PTPRK: variants seen among roughly 807,000 people sequenced by gnomAD.
PTPRK encodes the protein protein tyrosine phosphatase receptor type K.
A neutral mutation model predicts 178.0 loss-of-function variants in PTPRK; 75 were observed. The ratio of observed to expected loss-of-function variants is 0.42; its 90% CI spans 0.35 to 0.51. PTPRK has a LOEUF of 0.51. PTPRK is among the 20% of genes least tolerant of loss of function. PTPRK has a pLI of 0.02. For missense variants in PTPRK, 1,441 were observed against 1,797.8 expected (o/e 0.80, Z 3.59); for synonymous variants, 637 against 620.6 (o/e 1.03, Z -0.39).
intron 1 of PTPRK, among the ~76,000 whole-genome samples, chr6:128,413,047 C>A (rs914036397): frequency 6.6e-6 from 1 of 152,124 alleles, no homozygotes; most frequent in African/African-American, 2.4e-5. Flanking sequence ...ATATTTTTAA[C>A]CTAGTTTATT....
chr6:128,302,943 A>G (rs1458532245), intron 3 of PTPRK, among the ~76,000 whole-genome samples: 1 of 150,430 alleles, frequency 6.6e-6, no homozygotes, highest in Non-Finnish European at 1.5e-5. Flanking sequence ...CTCACAGTGT[A>G]CACATACACA....
intron 6 of PTPRK, among the ~76,000 whole-genome samples, chr6:128,196,124 A>T (rs1804813450): frequency 6.6e-6 from 1 of 152,128 alleles, no homozygotes; most frequent in Admixed American, 6.6e-5. Flanking sequence ...TTCAACTAAG[A>T]AAGGCAGGTT....
intron 1 of PTPRK, among the ~76,000 whole-genome samples, chr6:128,508,701 T>A (rs1261359945): frequency 6.6e-6 from 1 of 151,978 alleles, no homozygotes; most frequent in Non-Finnish European, 1.5e-5. Flanking sequence ...TCCCGCACTT[T>A]GGGAGGCTGA....
chr6:128,130,696 T>C (rs906605681), intron 7 of PTPRK, among the ~76,000 whole-genome samples: 8 of 152,208 alleles, frequency 5.3e-5, no homozygotes, highest in Non-Finnish European at 7.4e-5. Context: ...TGAAAATTCA[T>C]TTGGCAATTA....
intron 7 of PTPRK, among the ~76,000 whole-genome samples, chr6:128,099,718 TAG>T (rs1455383196): frequency 6.6e-6 from 1 of 152,108 alleles, no homozygotes; most frequent in East Asian, 1.9e-4. Context: ...CTTCAGGGAA[TAG>T]AGAGACAGAT....
At chr6:128,093,620 A>AC (rs1787401434) in intron 7 of PTPRK, among the ~76,000 whole-genome samples, 3 of 147,252 alleles carry the variant, frequency 2.0e-5, no homozygotes, top group African/African-American at 7.5e-5. Flanking sequence ...AAAAAAAAAA[A>AC]AAACGAAAAA....
At chr6:128,417,566 G>A (rs1024894931) in intron 1 of PTPRK, among the ~76,000 whole-genome samples, 2 of 152,142 alleles carry the variant, frequency 1.3e-5, no homozygotes, top group Non-Finnish European at 2.9e-5. Context: ...TAATGTGTTT[G>A]CATATCATTA....
At chr6:128,389,307 A>G (rs1046318435) in intron 2 of PTPRK, among the ~76,000 whole-genome samples, 2 of 151,828 alleles carry the variant, frequency 1.3e-5, no homozygotes, top group Admixed American at 6.6e-5. Flanking sequence ...TCATAACTCC[A>G]TATTTTTCAC....
chr6:128,096,600 T>C (rs764736094), intron 7 of PTPRK, among the ~76,000 whole-genome samples: 1 of 152,118 alleles, frequency 6.6e-6, no homozygotes, highest in Non-Finnish European at 1.5e-5. Flanking sequence ...AAATAGAAGA[T>C]GTCCCAAAGC....
At chr6:128,196,194 T>G (rs141684220) in intron 6 of PTPRK, among the ~76,000 whole-genome samples, 52 of 151,970 alleles carry the variant, frequency 3.4e-4, no homozygotes, top group African/African-American at 1.2e-3. Context: ...AGAGAATGCA[T>G]TAAAGCAGAT....
Position 128,088,374 on chromosome 6 carries a change from C to CA in PTPRK, c.1465+1315dup, listed in dbSNP as rs111724466. Among the ~76,000 whole-genome samples, 314 of 121,580 alleles carry CA rather than the reference C, an allele frequency of 2.6e-3. 1 individual carries two copies. The highest frequency in any genetic ancestry group is 0.012 in the South Asian group (48 of 3,846). The allele number at this position is 121,580 out of a possible 152,430, so 79.8% of individuals were successfully genotyped here. On this transcript the variant is annotated intron_variant, in intron 8 of 29. Transcript: ENST00000368226. ...CCTGTATGACAGAGTAAGACTGTTT[C>CA]AAAAAAAAAAAAGAAAAGAAAAGAA...
chr6:128,099,724 G>A (rs945130506), intron 7 of PTPRK, among the ~76,000 whole-genome samples: 1 of 152,054 alleles, frequency 6.6e-6, no homozygotes, highest in Non-Finnish European at 1.5e-5. Context: ...GGAATAGAGA[G>A]ACAGATAAGG....
intron 18 of PTPRK, among the ~76,000 whole-genome samples, chr6:127,994,553 A>G (rs1776934733): frequency 6.6e-6 from 1 of 151,800 alleles, no homozygotes; most frequent in Non-Finnish European, 1.5e-5. Flanking sequence ...AGAGAGAAGT[A>G]ACATTCCCAA....
At chr6:128,037,188 A>T (rs1253677077) in intron 13 of PTPRK, among the ~76,000 whole-genome samples, 1 of 152,160 alleles carries the variant, frequency 6.6e-6, no homozygotes, top group Non-Finnish European at 1.5e-5. Flanking sequence ...TCTGTCATTG[A>T]GAGACTCTCT....
intron 7 of PTPRK, among the ~76,000 whole-genome samples, chr6:128,156,922 G>A (rs1428379499): frequency 6.6e-6 from 1 of 151,788 alleles, no homozygotes; most frequent in East Asian, 1.9e-4. Context: ...TAATAACTGT[G>A]TGACCCAAAA....
chr6:127,978,669 A>C (rs1462403243), intron 25 of PTPRK, among the ~76,000 whole-genome samples: 1 of 152,218 alleles, frequency 6.6e-6, no homozygotes, highest in Non-Finnish European at 1.5e-5. Flanking sequence ...GTCAAAGCAG[A>C]CTGACGGCTA....
chr6:128,323,217 G>A (rs907977252), intron 2 of PTPRK, among the ~76,000 whole-genome samples: 3 of 152,048 alleles, frequency 2.0e-5, no homozygotes, highest in African/African-American at 4.8e-5. Context: ...CAGAGACTAA[G>A]TACAAAAATG....
At chr6:128,490,022 T>C (rs1306773079) in intron 1 of PTPRK, among the ~76,000 whole-genome samples, 1 of 152,214 alleles carries the variant, frequency 6.6e-6, no homozygotes, top group Non-Finnish European at 1.5e-5. Flanking sequence ...ACATGTAACA[T>C]ACTAAACATA....
intron 1 of PTPRK, among the ~76,000 whole-genome samples, chr6:128,438,943 T>C (rs77740297): frequency 0.019 from 2,866 of 152,210 alleles, 96 homozygotes; most frequent in African/African-American, 0.065. Flanking sequence ...AAAATGACCA[T>C]ATAATTATTC....
Sources: gnomAD v4.1 joint callset for allele counts (sites outside exome capture counted in the v4.1 genomes callset) on GRCh38, gnomAD v4.1.1 for gene constraint, MANE v1.5 for transcripts, NCBI Gene and HGNC (gene_info 2026-07-23, HGNC 2026-07-21) for gene names.